The following DENND4A variants were observed in gnomAD, a reference collection of about 807,000 sequenced individuals.
DENND4A encodes the protein DENN domain containing 4A, also known as C-myc promoter-binding protein.
A neutral mutation model predicts 199.3 loss-of-function variants in DENND4A; 70 were observed. That is an observed-to-expected ratio of 0.35 (90% CI 0.29 to 0.43). The LOEUF is 0.43. Ranked by LOEUF, DENND4A falls within the 20% of genes least tolerant of loss-of-function variation. The probability of loss-of-function intolerance (pLI) is 1.00; values close to 1 mark genes in which losing one functional copy is unlikely to be tolerated. For missense variants in DENND4A, 1,723 were observed against 2,255.8 expected (o/e 0.76, Z 4.78); for synonymous variants, 686 against 766.9 (o/e 0.89, Z 1.74).
intron 7 of DENND4A, among the ~76,000 whole-genome samples, chr15:65,736,562 G>A (rs1259041492): frequency 1.3e-5 from 2 of 151,762 alleles, no homozygotes; most frequent in African/African-American, 4.8e-5. Flanking sequence ...CACCACACCT[G>A]CCCAGACCAA....
chr15:65,700,423 T>C (rs1324835870), intron 20 of DENND4A, 121 bp downstream of exon 20: 5 of 410,604 alleles, frequency 1.2e-5, no homozygotes, highest in East Asian at 8.6e-5. Flanking sequence ...AAATACATAA[T>C]ATATAAAATT....
intron 1 of DENND4A, among the ~76,000 whole-genome samples, chr15:65,779,028 C>G (rs1338002070): frequency 6.6e-6 from 1 of 151,930 alleles, no homozygotes; most frequent in African/African-American, 2.4e-5. Flanking sequence ...ACTCAGAAGG[C>G]AGAGACAGTA....
intron 12 of DENND4A, chr15:65,719,338 TA>T (rs2075530210): frequency 6.6e-6 from 1 of 150,548 alleles, no homozygotes; most frequent in Non-Finnish European, 1.5e-5. Context: ...TTTTTTTTTT[TA>T]ATATAAGTAC....
At chr15:65,757,271 G>A (rs960542197) in intron 2 of DENND4A, among the ~76,000 whole-genome samples, 6 of 147,170 alleles carry the variant, frequency 4.1e-5, no homozygotes, top group Admixed American at 6.8e-5. Flanking sequence ...ATGGGGGGGG[G>A]GGGGTCTCAC....
At chr15:65,772,928 T>G (rs1168062123) in intron 1 of DENND4A, among the ~76,000 whole-genome samples, 1 of 142,090 alleles carries the variant, frequency 7.0e-6, no homozygotes, top group Non-Finnish European at 1.5e-5. Context: ...CACCAGAACC[T>G]GACCTTGCTG....
chr15:65,725,546 G>A (rs530062283), intron 11 of DENND4A, among the ~76,000 whole-genome samples: 2 of 152,022 alleles, frequency 1.3e-5, no homozygotes, highest in South Asian at 2.1e-4. Flanking sequence ...GTATGGTGGC[G>A]GGCACCTGTG....
At chr15:65,681,133 T>C (rs1277626812) in intron 23 of DENND4A, 1 of 152,248 alleles carries the variant, frequency 6.6e-6, no homozygotes, top group Non-Finnish European at 1.5e-5. Context: ...TCAAGTTTTA[T>C]TATTTGATTG....
intron 11 of DENND4A, among the ~76,000 whole-genome samples, chr15:65,728,091 C>G (rs1161980954): frequency 6.6e-6 from 1 of 152,056 alleles, no homozygotes; most frequent in Admixed American, 6.5e-5. Flanking sequence ...TCACTGCAGC[C>G]TCCGCCTCCC....
chr15:65,675,896 T>C (rs1389893888), intron 24 of DENND4A, among the ~76,000 whole-genome samples: 1 of 152,078 alleles, frequency 6.6e-6, no homozygotes, highest in Non-Finnish European at 1.5e-5. Context: ...ATATGCATTA[T>C]AGCATTAGAA....
intron 11 of DENND4A, among the ~76,000 whole-genome samples, chr15:65,724,048 T>C (rs1403714467): frequency 6.6e-6 from 1 of 151,950 alleles, no homozygotes; most frequent in African/African-American, 2.4e-5. Flanking sequence ...ATAGCTTTAA[T>C]GACTCCACTT....
chr15:65,775,516 C>G (rs1412527316), intron 1 of DENND4A, among the ~76,000 whole-genome samples: 1 of 151,146 alleles, frequency 6.6e-6, no homozygotes, highest in Non-Finnish European at 1.5e-5. Flanking sequence ...TGATGCATGC[C>G]TGTAATCCCA....
At chr15:65,765,305 C>A (rs1555435220) in intron 1 of DENND4A, among the ~76,000 whole-genome samples, 3 of 152,102 alleles carry the variant, frequency 2.0e-5, no homozygotes, top group Non-Finnish European at 1.5e-5. Context: ...GCAGAGCATC[C>A]TTTGATTGTA....
At chr15:65,681,709 G>C (rs1459245552) in intron 23 of DENND4A, among the ~76,000 whole-genome samples, 1 of 151,818 alleles carries the variant, frequency 6.6e-6, no homozygotes, top group Non-Finnish European at 1.5e-5. Context: ...CTGAGTAGCT[G>C]GGACCACAGG....
In DENND4A at chr15:65,676,550, GGCA is replaced by G; in HGVS notation, c.4261_4263del (p.Cys1421del). 1 of 1,613,606 alleles carries G rather than the reference GGCA, an allele frequency of 6.2e-7. No individual in the cohort carries two copies. The highest frequency in any genetic ancestry group is 1.1e-5 in the South Asian group (1 of 91,030). ...GAGGAGATAGGTCCTTCCAACTCAT[GGCA>G]GACATCTTCATCTGTTAAAGAGGTA... is the stretch of plus-strand genomic sequence containing the variant. On this transcript the variant is annotated inframe_deletion, in exon 24 of 33. Coordinates refer to ENST00000443035, the MANE Select transcript of DENND4A (RefSeq NM_001320835.1).
At chr15:65,723,287 C>T (rs1251665136) in intron 11 of DENND4A, among the ~76,000 whole-genome samples, 1 of 151,972 alleles carries the variant, frequency 6.6e-6, no homozygotes, top group Non-Finnish European at 1.5e-5. Flanking sequence ...TGCTTAGACA[C>T]CTAAATAATA....
Position 65,702,294 on chromosome 15 carries a change from A to G in DENND4A, c.2430+11T>C. ...AAAAAAATAAAATAACAACAATAAA[A>G]TAATTGTTACCTCATCAGGTGGATC... On this transcript the variant is annotated intron_variant, in intron 17 of 32. Transcript: ENST00000443035. The G allele has an allele frequency of 6.5e-7, 1 of 1,543,514 alleles. No homozygotes were observed. Among genetic ancestry groups the G allele is most frequent in the East Asian group, 2.4e-5 (1 of 40,878 alleles).
chr15:65,747,085 G>T (rs2076422049), intron 4 of DENND4A, among the ~76,000 whole-genome samples: 1 of 149,404 alleles, frequency 6.7e-6, no homozygotes, highest in African/African-American at 2.5e-5. Flanking sequence ...CATCCTGGGT[G>T]ACAAAGTGAG....
rs754234163 is a variant in DENND4A, at chr15:65,756,323, T to C, written c.128A>G (p.Glu43Gly). The C allele has an allele frequency of 1.2e-6, 2 of 1,613,764 alleles. No individual in the cohort carries two copies. Among genetic ancestry groups the C allele is most frequent in the Admixed American group, 1.7e-5 (1 of 59,972 alleles). ...DACHKVAKPK[E>G]PITDVSVIIK... is the part of the protein sequence containing the mutation. ...AATAACTGAAACATCTGTAATAGGTTCTTTTGGTTTAGCTACTTTATGACA... is the reference window on the plus strand; with the variant it reads ...AATAACTGAAACATCTGTAATAGGTCCTTTTGGTTTAGCTACTTTATGACA... Residue 43 changes from glutamate to glycine, a missense_variant, in exon 3 of 33, where the codon GAA (glutamate) becomes GGA (glycine). Glu to Gly is a moderately conservative substitution (Grantham distance 98). This residue lies in a region of DENND4A where 725 missense variants were observed against 952.9 expected (regional missense o/e 0.76). Transcript: ENST00000443035.
intron 4 of DENND4A, among the ~76,000 whole-genome samples, chr15:65,750,193 G>A (rs2076525044): frequency 6.6e-6 from 1 of 152,160 alleles, no homozygotes; most frequent in Non-Finnish European, 1.5e-5. Flanking sequence ...CAACGTGGAT[G>A]CAGCTGGAGG....
Sources: allele counts gnomAD v4.1 joint callset (sites outside exome capture counted in the v4.1 genomes callset), GRCh38; gene constraint gnomAD v4.1.1; regional missense constraint gnomAD v4.1.1; transcripts MANE v1.5; gene names NCBI Gene and HGNC (gene_info 2026-07-23, HGNC 2026-07-21).